PHF14: variants seen among roughly 807,000 people sequenced by gnomAD.
PHF14 encodes PHD finger protein 14.
A neutral mutation model predicts 117.9 loss-of-function variants in PHF14; 55 were observed. That is an observed-to-expected ratio of 0.47 (90% CI 0.38 to 0.58). The LOEUF is 0.58. Among genes scored for constraint, PHF14 ranks in the 20% least tolerant of loss-of-function variants. The pLI, the probability that PHF14 is intolerant of heterozygous loss-of-function variation, is 0.00. For missense variants in PHF14, 978 were observed against 1,122.2 expected (o/e 0.87, Z 1.84); for synonymous variants, 409 against 368.6 (o/e 1.11, Z -1.26).
At chr7:11,162,439 A>G (rs1789074029) in intron 17 of PHF14, among the ~76,000 whole-genome samples, 1 of 152,104 alleles carries the variant, frequency 6.6e-6, no homozygotes, top group Non-Finnish European at 1.5e-5. Flanking sequence ...GTAGCTTTTC[A>G]TGTTTATGGA....
intron 13 of PHF14, among the ~76,000 whole-genome samples, chr7:11,050,543 A>G (rs150233821): frequency 1.4e-4 from 22 of 152,308 alleles, no homozygotes; most frequent in African/African-American, 5.3e-4. Flanking sequence ...ACATATGGCT[A>G]TTTAAATTTA....
intron 2 of PHF14, among the ~76,000 whole-genome samples, chr7:10,977,662 A>T (rs1781913056): frequency 6.6e-6 from 1 of 152,150 alleles, no homozygotes; most frequent in South Asian, 2.1e-4. Flanking sequence ...CTCATTTTTG[A>T]TTGAAAGCAG....
chr7:11,125,293 A>G (rs1023812738), intron 17 of PHF14, among the ~76,000 whole-genome samples: 16 of 152,134 alleles, frequency 1.1e-4, no homozygotes, highest in Admixed American at 1.0e-3. Flanking sequence ...ACAGCCAGCC[A>G]CACTCAATCC....
At position 11,005,174 on chromosome 7, in the gene PHF14, TCTAG is replaced by T. The variant is rs1357627004; in HGVS notation, c.1046-8571_1046-8568del. Among the ~76,000 whole-genome samples the T allele has an allele frequency of 2.0e-5, 3 of 152,296 alleles. No homozygotes were observed. The East Asian group carries it at 5.8e-4, about 29-fold the overall frequency. On this transcript the variant is annotated intron_variant, in intron 4 of 17. Transcript: ENST00000634607. ...TTGAGACTCTGTTAATATGCCATTCTCTAGCAACTTTCCACTTAATAGTTTTAGC... is the reference window on the plus strand; with the variant it reads ...TTGAGACTCTGTTAATATGCCATTCTCAACTTTCCACTTAATAGTTTTAGC...
At chr7:11,087,020 C>G (rs770930283) in intron 16 of PHF14, among the ~76,000 whole-genome samples, 10 of 152,082 alleles carry the variant, frequency 6.6e-5, no homozygotes, top group Non-Finnish European at 2.9e-5. Flanking sequence ...TAAATTAGAT[C>G]TCACTACATC....
chr7:11,030,564 A>T (rs960527270), intron 7 of PHF14, among the ~76,000 whole-genome samples: 8 of 152,170 alleles, frequency 5.3e-5, no homozygotes, highest in African/African-American at 1.4e-4. Context: ...CATGCAAATT[A>T]AATGAAACTA....
intron 12 of PHF14, 50 bp from the exon 13 acceptor site, chr7:11,042,633 T>G (rs1784536287): frequency 2.3e-6 from 3 of 1,317,676 alleles, no homozygotes; most frequent in Non-Finnish European, 3.1e-6. Flanking sequence ...GTAAACTGTT[T>G]CACTATGATA....
intron 4 of PHF14, among the ~76,000 whole-genome samples, chr7:11,001,431 T>G (rs1203793565): frequency 6.6e-6 from 1 of 152,178 alleles, no homozygotes; most frequent in African/African-American, 2.4e-5. Context: ...ATCTACAAAA[T>G]TACATCCTGG....
At chr7:10,984,556 A>C (rs1368186744) in intron 3 of PHF14, among the ~76,000 whole-genome samples, 1 of 152,150 alleles carries the variant, frequency 6.6e-6, no homozygotes, top group East Asian at 1.9e-4. Context: ...AGCAGTTAAT[A>C]CTCTATATAT....
At chr7:11,123,149 C>T (rs937421041) in intron 17 of PHF14, among the ~76,000 whole-genome samples, 3 of 152,002 alleles carry the variant, frequency 2.0e-5, no homozygotes, top group African/African-American at 4.8e-5. Context: ...AGCATCTATA[C>T]CCAAAGCTCA....
intron 17 of PHF14, among the ~76,000 whole-genome samples, chr7:11,122,382 C>CACACAT (rs1426617620): frequency 9.8e-4 from 119 of 120,926 alleles, no homozygotes; most frequent in African/African-American, 3.8e-3. Context: ...CACACACACA[C>CACACAT]ACATACATAC....
At chr7:11,039,437 A>T (rs1784431810) in intron 11 of PHF14, among the ~76,000 whole-genome samples, 1 of 151,872 alleles carries the variant, frequency 6.6e-6, no homozygotes, top group African/African-American at 2.4e-5. Context: ...TTAGTCTGTT[A>T]AAGTTTTTGG....
At chr7:11,064,054 A>G (rs1316049952) in intron 16 of PHF14, among the ~76,000 whole-genome samples, 1 of 151,996 alleles carries the variant, frequency 6.6e-6, no homozygotes, top group Non-Finnish European at 1.5e-5. Context: ...AGGAAATTAA[A>G]TGTTTTATTG....
chr7:11,076,452 TTTTAAC>T (rs1464518872), intron 16 of PHF14, among the ~76,000 whole-genome samples: 1 of 152,142 alleles, frequency 6.6e-6, no homozygotes, highest in Non-Finnish European at 1.5e-5. Flanking sequence ...ACTGTCTGCT[TTTTAAC>T]TTTAGATGTC....
At chr7:11,148,986 C>G (rs540730927) in intron 17 of PHF14, among the ~76,000 whole-genome samples, 1 of 151,992 alleles carries the variant, frequency 6.6e-6, no homozygotes. Context: ...TTATTTAAAC[C>G]CAAAGTCATT....
chr7:11,063,831 T>C (rs1055598733), intron 16 of PHF14: 80 of 272,022 alleles, frequency 2.9e-4, no homozygotes, highest in African/African-American at 1.7e-3. Flanking sequence ...TTACTCTATG[T>C]TATTTATTTC....
At chr7:11,031,227 C>T (rs1583390255) in intron 7 of PHF14, among the ~76,000 whole-genome samples, 1 of 151,792 alleles carries the variant, frequency 6.6e-6, no homozygotes, top group African/African-American at 2.4e-5. Flanking sequence ...ATAAACATAT[C>T]AGTTTCATCT....
intron 16 of PHF14, chr7:11,071,365 A>C (rs1001976112): frequency 6.5e-6 from 3 of 464,164 alleles, no homozygotes; most frequent in African/African-American, 6.0e-5. Context: ...TATGTAGACT[A>C]TGATTATTTT....
At chr7:11,078,944 T>G (rs1785973500) in intron 16 of PHF14, among the ~76,000 whole-genome samples, 1 of 152,154 alleles carries the variant, frequency 6.6e-6, no homozygotes, top group South Asian at 2.1e-4. Context: ...ATAAGTATTT[T>G]TAGCATTTCT....
Sources: allele counts gnomAD v4.1 joint callset (sites outside exome capture counted in the v4.1 genomes callset), GRCh38; gene constraint gnomAD v4.1.1; transcripts MANE v1.5; gene names NCBI Gene and HGNC (gene_info 2026-07-23, HGNC 2026-07-21).